The following RALYL variants were observed in gnomAD, a reference collection of about 807,000 sequenced individuals.
RALYL encodes RNA-binding Raly-like protein.
Under a neutral mutation model 35.1 loss-of-function variants are expected in RALYL, and 29 were observed. That is an observed-to-expected ratio of 0.83 (90% CI 0.61 to 1.13). RALYL has a LOEUF of 1.13. RALYL is among the 50% of genes most tolerant of loss of function. RALYL has a pLI of 0.00. For missense variants in RALYL, 359 were observed against 360.4 expected (o/e 1.00, Z 0.03); for synonymous variants, 120 against 127.6 (o/e 0.94, Z 0.40).
intron 1 of RALYL, among the ~76,000 whole-genome samples, chr8:84,225,610 G>C (rs947867379): frequency 6.6e-6 from 1 of 152,086 alleles, no homozygotes; most frequent in Non-Finnish European, 1.5e-5. Flanking sequence ...TCTTTCCTCA[G>C]CTCTTTTCAC....
At chr8:84,209,554 T>C (rs1167407661) in intron 1 of RALYL, among the ~76,000 whole-genome samples, 1 of 152,194 alleles carries the variant, frequency 6.6e-6, no homozygotes, top group African/African-American at 2.4e-5. Context: ...AATGATGGCT[T>C]CTTTTTTGTA....
chr8:84,199,257 G>A (rs1003613566), intron 1 of RALYL, among the ~76,000 whole-genome samples: 8 of 151,718 alleles, frequency 5.3e-5, no homozygotes, highest in African/African-American at 1.2e-4. Context: ...TCTGATGATC[G>A]GTGATGATCG....
chr8:84,614,835 A>G (rs1042761520), intron 2 of RALYL, among the ~76,000 whole-genome samples: 5 of 131,060 alleles, frequency 3.8e-5, no homozygotes, highest in African/African-American at 1.5e-4. Flanking sequence ...CTAAAATCTT[A>G]TAAAATATGC....
rs559541653 is a variant in RALYL at position 84,270,308 on chromosome 8, C to T, written c.-24+85884C>T. Among the ~76,000 whole-genome samples the T allele has an allele frequency of 2.2e-4, 34 of 152,238 alleles. 1 individual carries two copies. The highest frequency in any genetic ancestry group is 4.4e-5 in the Non-Finnish European group (3 of 68,016). On this transcript the variant is annotated intron_variant, in intron 1 of 8. Coordinates refer to ENST00000521268, the MANE Select transcript of RALYL (RefSeq NM_173848.7). The stretch of plus-strand genomic sequence containing the variant: ...CAAGGGACGTGGTGATGGTGGAACG[C>T]ATTATAAGATACAAGCTTCAAAGGT...
chr8:84,891,092 A>T (rs564433349), intron 8 of RALYL, among the ~76,000 whole-genome samples: 36 of 152,308 alleles, frequency 2.4e-4, no homozygotes, highest in African/African-American at 8.2e-4. Flanking sequence ...GAGATGTTCT[A>T]TGGGAGGGAG....
intron 1 of RALYL, among the ~76,000 whole-genome samples, chr8:84,280,155 C>T (rs936324464): frequency 2.6e-5 from 4 of 152,136 alleles, no homozygotes; most frequent in African/African-American, 7.2e-5. Flanking sequence ...ATACAGTCTA[C>T]TGATTCCATG....
intron 1 of RALYL, among the ~76,000 whole-genome samples, chr8:84,266,896 C>G (rs1308053270): frequency 2.1e-5 from 3 of 145,458 alleles, no homozygotes; most frequent in Non-Finnish European, 4.5e-5. Flanking sequence ...GGAGGCGGAG[C>G]TTGCAGTGAG....
intron 1 of RALYL, among the ~76,000 whole-genome samples, chr8:84,248,698 G>A (rs1829612672): frequency 6.6e-6 from 1 of 152,048 alleles, no homozygotes; most frequent in Non-Finnish European, 1.5e-5. Flanking sequence ...ATTTTGGGTT[G>A]AGAATCTATC....
chr8:84,795,066 A>G (rs1214470083), intron 3 of RALYL, among the ~76,000 whole-genome samples: 1 of 152,170 alleles, frequency 6.6e-6, no homozygotes, highest in Non-Finnish European at 1.5e-5. Context: ...CTAAGCAGAG[A>G]TTTCAGTTGC....
chr8:84,330,016 T>A (rs1444805969), intron 1 of RALYL, among the ~76,000 whole-genome samples: 1 of 144,820 alleles, frequency 6.9e-6, no homozygotes, highest in Non-Finnish European at 1.5e-5. Flanking sequence ...ATTATGAATA[T>A]GTAAAGAATT....
intron 1 of RALYL, among the ~76,000 whole-genome samples, chr8:84,423,177 G>A (rs1436669259): frequency 9.3e-5 from 14 of 151,088 alleles, no homozygotes; most frequent in African/African-American, 3.0e-4. Context: ...TTAATGTGTG[G>A]GAGTCTAAGT....
At chr8:84,377,156 C>T (rs769899532) in intron 1 of RALYL, among the ~76,000 whole-genome samples, 5 of 151,678 alleles carry the variant, frequency 3.3e-5, no homozygotes, top group Non-Finnish European at 7.4e-5. Flanking sequence ...TTCCAGACTC[C>T]ATATTTTAAG....
chr8:84,186,872 G>A (rs1053932031), intron 1 of RALYL, among the ~76,000 whole-genome samples: 1 of 151,880 alleles, frequency 6.6e-6, no homozygotes, highest in Non-Finnish European at 1.5e-5. Flanking sequence ...TCTTAAACTG[G>A]CCACCTGTTT....
At chr8:84,862,537 A>G in intron 6 of RALYL, 84 bp downstream of exon 6, 1 of 1,110,318 alleles carries the variant, frequency 9.0e-7, no homozygotes, top group African/African-American at 1.6e-5. Flanking sequence ...TCAATAAATT[A>G]ACCAGATAGT....
At chr8:84,495,064 A>G (rs1044010033) in intron 1 of RALYL, among the ~76,000 whole-genome samples, 2 of 152,240 alleles carry the variant, frequency 1.3e-5, no homozygotes, top group South Asian at 2.1e-4. Context: ...ATTTTGAGAT[A>G]TGTTCCATCC....
chr8:84,376,844 C>T (rs1334915093), intron 1 of RALYL, among the ~76,000 whole-genome samples: 1 of 151,722 alleles, frequency 6.6e-6, no homozygotes, highest in Non-Finnish European at 1.5e-5. Context: ...TCATTCACTC[C>T]GGCAAAGGAG....
At chr8:84,407,934 C>T (rs1321674724) in intron 1 of RALYL, among the ~76,000 whole-genome samples, 1 of 151,894 alleles carries the variant, frequency 6.6e-6, no homozygotes, top group African/African-American at 2.4e-5. Flanking sequence ...ACAAATTGTC[C>T]AAGGCAAGTG....
chr8:84,472,436 A>G (rs2052891080), intron 1 of RALYL, among the ~76,000 whole-genome samples: 1 of 152,192 alleles, frequency 6.6e-6, no homozygotes, highest in Non-Finnish European at 1.5e-5. Context: ...TGAAGAAATG[A>G]TAGGATTTGG....
intron 2 of RALYL, among the ~76,000 whole-genome samples, chr8:84,703,371 G>A (rs1840562395): frequency 6.6e-6 from 1 of 152,110 alleles, no homozygotes; most frequent in Non-Finnish European, 1.5e-5. Context: ...CTGATATAAG[G>A]TCTGGAGGAG....
Sources: gnomAD v4.1 joint callset for allele counts (sites outside exome capture counted in the v4.1 genomes callset) on GRCh38, gnomAD v4.1.1 for gene constraint, MANE v1.5 for transcripts, NCBI Gene and HGNC (gene_info 2026-07-23, HGNC 2026-07-21) for gene names.